Variants in B3GALT1 observed in about 807,000 individuals in gnomAD.
The protein encoded by B3GALT1 is UDP-Gal:betaGlcNAc beta 1,3-galactosyltransferase, polypeptide 1.
Under a neutral mutation model 23.2 loss-of-function variants are expected in B3GALT1, and 10 were observed. The ratio of observed to expected loss-of-function variants is 0.43; its 90% CI spans 0.27 to 0.73. The LOEUF (loss-of-function observed/expected upper bound fraction) is 0.73, where lower values mean the gene tolerates loss of function less well. Among genes scored for constraint, B3GALT1 ranks in the 30% least tolerant of loss-of-function variants. The pLI, the probability that B3GALT1 is intolerant of heterozygous loss-of-function variation, is 0.21. For synonymous variants in B3GALT1, 156 were observed against 141.5 expected (o/e 1.10, Z -0.73); for missense variants, 299 against 405.4 (o/e 0.74, Z 2.25).
At chr2:167,668,782 A>T (rs897949374) in intron 3 of B3GALT1, among the ~76,000 whole-genome samples, 5 of 152,214 alleles carry the variant, frequency 3.3e-5, no homozygotes, top group Non-Finnish European at 5.9e-5. Flanking sequence ...TTCCCGAGTG[A>T]GGCAATGCCT....
intron 3 of B3GALT1, among the ~76,000 whole-genome samples, chr2:167,727,153 C>CA (rs145602264): frequency 0.041 from 6,237 of 152,108 alleles, 433 homozygotes; most frequent in African/African-American, 0.14. Flanking sequence ...GCCCCGTAGC[C>CA]AAAACGAAGG....
chr2:167,678,771 G>A (rs1574208392), intron 3 of B3GALT1, among the ~76,000 whole-genome samples: 1 of 152,122 alleles, frequency 6.6e-6, no homozygotes, highest in Non-Finnish European at 1.5e-5. Context: ...AAATTTAAAA[G>A]ATTTTAAAGT....
intron 3 of B3GALT1, among the ~76,000 whole-genome samples, chr2:167,735,260 A>G (rs1368943336): frequency 6.6e-6 from 1 of 152,174 alleles, no homozygotes; most frequent in African/African-American, 2.4e-5. Context: ...GGTTATATCA[A>G]ATTCTGCTTT....
intron 1 of B3GALT1, among the ~76,000 whole-genome samples, chr2:167,419,949 A>G (rs1414021058): frequency 6.6e-6 from 1 of 152,212 alleles, no homozygotes; most frequent in East Asian, 1.9e-4. Flanking sequence ...AGGAAAACAT[A>G]TTACTTTTCC....
intron 3 of B3GALT1, among the ~76,000 whole-genome samples, chr2:167,785,748 A>G (rs1474134452): frequency 6.6e-6 from 1 of 152,180 alleles, no homozygotes; most frequent in African/African-American, 2.4e-5. Context: ...GGATTTCCTT[A>G]TGAATGCAGT....
At chr2:167,796,641 C>T (rs1431208295) in intron 3 of B3GALT1, among the ~76,000 whole-genome samples, 3 of 151,406 alleles carry the variant, frequency 2.0e-5, no homozygotes, top group African/African-American at 7.4e-5. Flanking sequence ...CCCAGCTATT[C>T]GGGAGGCTGA....
intron 2 of B3GALT1, among the ~76,000 whole-genome samples, chr2:167,513,501 A>AT (rs1384890956): frequency 6.6e-6 from 1 of 152,224 alleles, no homozygotes; most frequent in Non-Finnish European, 1.5e-5. Context: ...ATTAGAAGAC[A>AT]TTAAGAAATT....
At position 167,416,515 on chromosome 2, in the gene B3GALT1, A is replaced by G. The variant is rs76086807; in HGVS notation, c.-510-73662A>G. 4.8e-3 allele frequency among the ~76,000 whole-genome samples: 737 copies of G among 152,256 alleles called. 6 individuals carry two copies. The highest frequency in any genetic ancestry group is 0.018 in the East Asian group (92 of 5,166). On this transcript the variant is annotated intron_variant, in intron 1 of 4. Transcript: ENST00000392690. ...TGTCACAGGGGCAAGGCCCCCAATAAAGGGCTCCAACTAGAGCAATGCTGA... is the reference window on the plus strand; with the variant it reads ...TGTCACAGGGGCAAGGCCCCCAATAGAGGGCTCCAACTAGAGCAATGCTGA...
At chr2:167,452,806 G>T (rs1421491828) in intron 1 of B3GALT1, among the ~76,000 whole-genome samples, 1 of 152,108 alleles carries the variant, frequency 6.6e-6, no homozygotes, top group Non-Finnish European at 1.5e-5. Context: ...AAAGATACAA[G>T]AGGCTGATGT....
chr2:167,555,830 G>T (rs79615483), intron 2 of B3GALT1, among the ~76,000 whole-genome samples: 97 of 152,274 alleles, frequency 6.4e-4, no homozygotes, highest in African/African-American at 2.3e-3. Flanking sequence ...GATGAAAGGA[G>T]AATGGAATCC....
intron 1 of B3GALT1, among the ~76,000 whole-genome samples, chr2:167,353,043 A>T (rs1377811369): frequency 2.0e-5 from 3 of 152,192 alleles, no homozygotes; most frequent in Non-Finnish European, 4.4e-5. Flanking sequence ...GTAGAAGGGA[A>T]AGAGACCTAT....
chr2:167,704,160 AAAG>A (rs1407173662), intron 3 of B3GALT1, among the ~76,000 whole-genome samples: 1 of 147,792 alleles, frequency 6.8e-6, no homozygotes, highest in Non-Finnish European at 1.5e-5. Context: ...CAGACTGGGC[AAAG>A]GAGCGAAACT....
chr2:167,381,333 T>G (rs1697845854), intron 1 of B3GALT1, among the ~76,000 whole-genome samples: 1 of 152,222 alleles, frequency 6.6e-6, no homozygotes, highest in South Asian at 2.1e-4. Context: ...AGTGCTGAGA[T>G]TATAGGCGTG....
At chr2:167,303,682 C>CACACACACACACACACAGAGAG (rs535369991) in intron 1 of B3GALT1, among the ~76,000 whole-genome samples, 7 of 148,832 alleles carry the variant, frequency 4.7e-5, no homozygotes, top group East Asian at 4.1e-4. Context: ...CACACACACA[C>CACACACACACACACACAGAGAG]AGAGAGAGAC....
At chr2:167,429,599 A>G (rs1313857716) in intron 1 of B3GALT1, among the ~76,000 whole-genome samples, 1 of 152,144 alleles carries the variant, frequency 6.6e-6, no homozygotes, top group East Asian at 1.9e-4. Context: ...AAATAAGCAC[A>G]ATGGCCATAT....
intron 3 of B3GALT1, among the ~76,000 whole-genome samples, chr2:167,747,574 C>T (rs1299503426): frequency 6.6e-6 from 1 of 152,162 alleles, no homozygotes; most frequent in Non-Finnish European, 1.5e-5. Context: ...TAAAGAGGCT[C>T]AAGAGAAACT....
intron 2 of B3GALT1, among the ~76,000 whole-genome samples, chr2:167,516,215 C>T (rs1016398526): frequency 4.6e-5 from 7 of 151,944 alleles, no homozygotes; most frequent in Admixed American, 1.3e-4. Context: ...TTGTCATCTG[C>T]CTTTTGCTTT....
chr2:167,365,137 C>T lies in B3GALT1; in HGVS notation c.-511+71803C>T, dbSNP rs1049344838. Among the ~76,000 whole-genome samples the T allele has an allele frequency of 3.3e-5, 5 of 152,108 alleles. No homozygotes were observed. The South Asian group carries it at 6.2e-4, about 19-fold the overall frequency. Reference sequence around the variant, plus strand: ...ACAGTTTGGGAATTTTTTGACTACACGTAGTTTCCTGGGTTTCTCAGAATG... The same window carrying T: ...ACAGTTTGGGAATTTTTTGACTACATGTAGTTTCCTGGGTTTCTCAGAATG... On this transcript the variant is annotated intron_variant, in intron 1 of 4. Transcript: ENST00000392690.
chr2:167,699,011 TAAAAG>T (rs1235184120), intron 3 of B3GALT1, among the ~76,000 whole-genome samples: 2 of 152,224 alleles, frequency 1.3e-5, no homozygotes, highest in African/African-American at 2.4e-5. Flanking sequence ...AAAGAGATCT[TAAAAG>T]AAAACAGTTT....
Sources: allele counts gnomAD v4.1 joint callset (sites outside exome capture counted in the v4.1 genomes callset), GRCh38; gene constraint gnomAD v4.1.1; transcripts MANE v1.5; gene names NCBI Gene and HGNC (gene_info 2026-07-23, HGNC 2026-07-21).